Variants in ENOSF1 observed in about 807,000 individuals in gnomAD.
ENOSF1 encodes the protein enolase superfamily member 1.
ENOSF1 carries 73 observed loss-of-function variants against 68.2 expected under a neutral mutation model. That is an observed-to-expected ratio of 1.07 (90% CI 0.89 to 1.30). The LOEUF (loss-of-function observed/expected upper bound fraction) is 1.30, where lower values mean the gene tolerates loss of function less well. Ranked by LOEUF, ENOSF1 falls within the 50% of genes most tolerant of loss-of-function variation. The pLI, the probability that ENOSF1 is intolerant of heterozygous loss-of-function variation, is 0.00. For missense variants in ENOSF1, 589 were observed against 554.5 expected, an observed-to-expected ratio of 1.06 and a Z score of -0.62; for synonymous variants, 223 against 210.4, an observed-to-expected ratio of 1.06 and a Z score of -0.52.
chr18:679,975 G>A (rs144633902), intron 11 of ENOSF1, among the ~76,000 whole-genome samples: 1 of 151,998 alleles, frequency 6.6e-6, no homozygotes, highest in East Asian at 1.9e-4. Context: ...AGGAGCCAGC[G>A]TTATCCCCAT....
chr18:688,547 GA>G, intron 9 of ENOSF1, 26 bp downstream of exon 9: 4 of 1,613,910 alleles, frequency 2.5e-6, no homozygotes, highest in Non-Finnish European at 3.4e-6. Flanking sequence ...CGCCAACTGG[GA>G]AAGTCAGGTC....
At chr18:710,604 T>C (rs2079407471) in intron 1 of ENOSF1, among the ~76,000 whole-genome samples, 1 of 152,248 alleles carries the variant, frequency 6.6e-6, no homozygotes, top group African/African-American at 2.4e-5. Context: ...ATTGAATTCC[T>C]GGGCTCAAGT....
intron 5 of ENOSF1, 98 bp from the exon 6 acceptor site, chr18:691,374 C>A: frequency 2.0e-6 from 2 of 1,009,916 alleles, no homozygotes; most frequent in South Asian, 1.6e-5. Flanking sequence ...GAGACAAGGT[C>A]TCACTCTGTT....
rs766944200 is a variant in ENOSF1 at position 674,322 on chromosome 18, G to GA, written c.1314dup (p.Pro439SerfsTer17). ...CTGAGCACTTAATTTTCTTGAGCAG[G>GA]AAGGAGTTTCTTCCAAACTTCACCA... On this transcript the variant is annotated frameshift_variant, in exon 16 of 16. Coordinates refer to ENST00000647584, the MANE Select transcript of ENOSF1 (RefSeq NM_017512.7). LOFTEE classifies it high-confidence loss of function. 2 of 1,610,280 alleles carry GA rather than the reference G, an allele frequency of 1.2e-6. No individual in the cohort carries two copies. The highest frequency in any genetic ancestry group is 1.7e-6 in the Non-Finnish European group (2 of 1,178,320).
chr18:697,151 T>C (rs747216409), intron 3 of ENOSF1, 89 bp downstream of exon 3: 7 of 883,794 alleles, frequency 7.9e-6, no homozygotes, highest in Admixed American at 5.3e-5. Flanking sequence ...AATAAACCCA[T>C]CTCTATTTTC....
At chr18:694,058 G>A in intron 4 of ENOSF1, 150 bp from the exon 5 acceptor site, 1 of 1,051,586 alleles carries the variant, frequency 9.5e-7, no homozygotes, top group East Asian at 2.6e-5. Context: ...CCGCCATCCT[G>A]TCTCCTCTTT....
In ENOSF1 at chr18:688,423, C is replaced by T. The variant is rs557446614; in HGVS notation, c.653+151G>A. 7.0e-6 allele frequency: 6 copies of T among 863,004 alleles called. No homozygotes were observed. The East Asian group carries it at 8.1e-5, about 12-fold the overall frequency. The allele number at this position is 863,004 out of a possible 1,614,324, so 53.5% of individuals were successfully genotyped here. On this transcript the variant is annotated intron_variant, in intron 9 of 15. Transcript: ENST00000647584. ...CCTGCCTTTAGAGAAAGAGCCTGGC[C>T]TAAGGGGAAACTTCTCTTATGCATC...
chr18:700,843 T>G (rs1472629606), intron 2 of ENOSF1, among the ~76,000 whole-genome samples: 1 of 123,412 alleles, frequency 8.1e-6, no homozygotes, highest in Admixed American at 1.1e-4. Context: ...CCAGCCAAGA[T>G]CACGCCATCG....
chr18:697,292 CCAA>C lies in ENOSF1; in HGVS notation c.254_256del (p.Val85del), dbSNP rs758346790. 2 of 1,613,970 alleles carry C rather than the reference CCAA, an allele frequency of 1.2e-6. No individual in the cohort carries two copies. Among genetic ancestry groups the C allele is most frequent in the Non-Finnish European group, 1.7e-6 (2 of 1,179,928 alleles). On this transcript the variant is annotated inframe_deletion, in exon 3 of 16. Coordinates refer to ENST00000647584, the MANE Select transcript of ENOSF1 (RefSeq NM_017512.7). ...CTGCCTATAGAAGCCTCTGAAGTCA[CCAA>C]CAATGTCCTTGAGGTCCTTGTTGAG...
Position 696,204 on chromosome 18 carries a change from C to CTTTTTT in ENOSF1, c.309+1030_309+1035dup, listed in dbSNP as rs368856668. Among the ~76,000 whole-genome samples the CTTTTTT allele has an allele frequency of 5.8e-4, 69 of 118,704 alleles. 1 individual carries two copies. The highest frequency in any genetic ancestry group is 1.4e-3 in the African/African-American group (41 of 29,966). The allele number at this position is 118,704 out of a possible 152,430, so 77.9% of individuals were successfully genotyped here. A position where few individuals can be genotyped will look rare whatever the true frequency, so the allele number is the denominator to read the frequency against. ...TAATGACCTTCTTTTACATCTCTCT[C>CTTTTTT]TTTTTTTTTTTTTTTTTTTTGTTTT... is the stretch of plus-strand genomic sequence containing the variant. On this transcript the variant is annotated intron_variant, in intron 3 of 15. Transcript: ENST00000647584.
chr18:677,345 C>T lies in ENOSF1; in HGVS notation c.1148G>A (p.Arg383Lys). The stretch of plus-strand genomic sequence containing the variant: ...AAAGTATTAATGCCACATTACTGAC[C>T]TATTTTCAAGGCTTGCAGAAACTGA... ...YISVSASLEN[R>K]VCEYVDHLHE... is the part of the protein sequence containing the mutation. Residue 383 changes from arginine to lysine, a missense_variant and splice_region_variant, in exon 14 of 16, where the codon AGG becomes AAG. Arg to Lys is a conservative substitution (Grantham distance 26). Coordinates refer to ENST00000647584, the MANE Select transcript of ENOSF1 (RefSeq NM_017512.7). The T allele has an allele frequency of 6.2e-7, 1 of 1,612,898 alleles. No homozygotes were observed. The highest frequency in any genetic ancestry group is 8.5e-7 in the Non-Finnish European group (1 of 1,179,206).
chr18:702,263 T>TAA (rs1267671360), intron 2 of ENOSF1, among the ~76,000 whole-genome samples: 1 of 9,222 alleles, frequency 1.1e-4, no homozygotes, highest in Non-Finnish European at 2.0e-4. Flanking sequence ...AAACTACATC[T>TAA]CAAAAAAAAA....
intron 5 of ENOSF1, chr18:692,624 A>G (rs1025734529): frequency 7.5e-5 from 61 of 815,620 alleles, no homozygotes; most frequent in Non-Finnish European, 8.8e-5. Flanking sequence ...AGAAAGAAAA[A>G]AAGAAAAAAG....
In ENOSF1 at chr18:685,951, G is replaced by C. The variant is rs1195146943; in HGVS notation, c.711C>G (p.Ile237Met). ...LQDDMRRCQI[I>M]RDMIGPEKTL... ...TCTTTTCCGGTCCAATCATGTCTCG[G>C]ATGATTTGGCATCTTCGCATGTCAT... The change falls in exon 10 of 16, where the codon ATC (isoleucine) becomes ATG (methionine). Residue 237 changes from isoleucine to methionine, a missense_variant. Ile to Met is a conservative substitution (Grantham distance 10). Transcript: ENST00000647584. 6.2e-7 allele frequency: 1 copy of C among 1,613,918 alleles called. No individual in the cohort carries two copies. The highest frequency in any genetic ancestry group is 8.5e-7 in the Non-Finnish European group (1 of 1,179,956).
intron 10 of ENOSF1, among the ~76,000 whole-genome samples, chr18:683,956 C>T (rs1020945281): frequency 4.0e-5 from 6 of 151,626 alleles, no homozygotes; most frequent in Admixed American, 3.3e-4. Flanking sequence ...CCTGTAATCT[C>T]AACACTCTGG....
In ENOSF1 at chr18:672,615, A is replaced by C. The variant is rs1049992462; in HGVS notation, c.*1690T>G. ...GAGTGGTTATAAGAACTTACACCTG[A>C]TGAGGCACCAGGCTCCTGATGCTGT... On this transcript the variant is annotated 3_prime_UTR_variant, in exon 16 of 16. Transcript: ENST00000647584. The C allele has an allele frequency of 3.0e-5, 10 of 336,516 alleles. No homozygotes were observed. The highest frequency in any genetic ancestry group is 4.9e-5 in the Non-Finnish European group (9 of 183,642). The allele number at this position is 336,516 out of a possible 1,614,324, so 20.8% of individuals were successfully genotyped here.
intron 2 of ENOSF1, among the ~76,000 whole-genome samples, chr18:698,181 G>A (rs2077947146): frequency 6.6e-6 from 1 of 152,208 alleles, no homozygotes; most frequent in Admixed American, 6.5e-5. Context: ...CCTGAGTAGA[G>A]AACACATTGT....
chr18:669,145 A>C (rs767209304), downstream of ENOSF1: 57 of 1,613,410 alleles, frequency 3.5e-5, no homozygotes, highest in Non-Finnish European at 4.7e-5. Context: ...ACGACAGAAG[A>C]ATCATCATGT....
At chr18:667,231 G>GGT, downstream of ENOSF1, among the ~76,000 whole-genome samples, 1 of 33,290 alleles carries the variant, frequency 3.0e-5, no homozygotes, top group Non-Finnish European at 5.3e-5. Context: ...TGATGGTGAT[G>GGT]GAGATGGAGA....
Sources: allele counts gnomAD v4.1 joint callset (sites outside exome capture counted in the v4.1 genomes callset), GRCh38; gene constraint gnomAD v4.1.1; transcripts MANE v1.5; gene names NCBI Gene and HGNC (gene_info 2026-07-23, HGNC 2026-07-21).